Variants in CACHD1 observed in about 807,000 individuals in gnomAD.
CACHD1 encodes VWFA and cache domain-containing protein 1.
Under a neutral mutation model 138.7 loss-of-function variants are expected in CACHD1, and 71 were observed. The ratio of observed to expected loss-of-function variants is 0.51; its 90% CI spans 0.42 to 0.62. The LOEUF is 0.62. CACHD1 is among the 20% of genes least tolerant of loss of function. CACHD1 has a pLI of 0.00. For missense variants in CACHD1, 1,389 were observed against 1,625.3 expected, an observed-to-expected ratio of 0.85 and a Z score of 2.50; for synonymous variants, 578 against 591.5, an observed-to-expected ratio of 0.98 and a Z score of 0.33.
chr1:64,677,801 T>G (rs1650046036), intron 22 of CACHD1, among the ~76,000 whole-genome samples: 1 of 152,148 alleles, frequency 6.6e-6, no homozygotes, highest in Admixed American at 6.5e-5. Context: ...TTTTTTTTAT[T>G]TTTTTAAATG....
Position 64,654,797 on chromosome 1 carries a change from G to A in CACHD1, c.1776G>A (p.Trp592Ter), listed in dbSNP as rs1649211168. The A allele has an allele frequency of 6.2e-7, 1 of 1,606,774 alleles. No individual in the cohort carries two copies. Among genetic ancestry groups the A allele is most frequent in the African/African-American group, 1.3e-5 (1 of 74,724 alleles). Residue 592 changes from tryptophan (W) to a stop codon, truncating the protein, a stop_gained, in exon 12 of 27, where the codon TGG becomes TGA. Transcript: ENST00000651257. LOFTEE classifies it high-confidence loss of function. Reference protein sequence around the residue: ...GKEAYNVSYAWKMVQDTSFIL... With the variant: ...GKEAYNVSYA The stretch of plus-strand genomic sequence containing the variant: ...AAGCCTACAATGTTAGCTATGCCTG[G>A]AAGATGGTGAGTGAGAGGAAGTTGT...
At chr1:64,477,659 G>C (rs1410454646) in intron 1 of CACHD1, among the ~76,000 whole-genome samples, 1 of 143,818 alleles carries the variant, frequency 7.0e-6, no homozygotes, top group African/African-American at 2.7e-5. Flanking sequence ...ACGGAGTCTC[G>C]CTCTGTCGCC....
intron 4 of CACHD1, among the ~76,000 whole-genome samples, chr1:64,620,838 A>T (rs971504143): frequency 2.0e-5 from 3 of 152,166 alleles, no homozygotes; most frequent in African/African-American, 7.2e-5. Flanking sequence ...CTTTACAAAG[A>T]TTCTGTCTTC....
At chr1:64,664,161 G>A (rs1400540815) in intron 14 of CACHD1, 2 of 451,068 alleles carry the variant, frequency 4.4e-6, no homozygotes, top group Non-Finnish European at 7.8e-6. Flanking sequence ...TGCCCCTGCT[G>A]TCTCTCGAGA....
At chr1:64,573,337 G>A (rs187609939) in intron 2 of CACHD1, among the ~76,000 whole-genome samples, 2 of 152,282 alleles carry the variant, frequency 1.3e-5, no homozygotes, top group East Asian at 1.9e-4. Flanking sequence ...CCATCTGCAA[G>A]CTAGGAAGGA....
Position 64,647,822 on chromosome 1 carries a change from AGCTGGCTTT to A in CACHD1, c.1179_1187del (p.Glu393_Phe396delinsAsp), listed in dbSNP as rs1332096821. 6.2e-7 allele frequency: 1 copy of A among 1,614,166 alleles called. No individual in the cohort carries two copies. The highest frequency in any genetic ancestry group is 8.5e-7 in the Non-Finnish European group (1 of 1,180,016). ...TTAGATGGGGTGACTGGTTTGAAAG[AGCTGGCTTT>A]TCTGAGGGATCTAGCTGAACAGAAT... On this transcript the variant is annotated inframe_deletion, in exon 9 of 27. Coordinates refer to ENST00000651257, the MANE Select transcript of CACHD1 (RefSeq NM_020925.4).
intron 9 of CACHD1, among the ~76,000 whole-genome samples, chr1:64,651,897 T>C (rs1475546797): frequency 6.6e-6 from 1 of 152,194 alleles, no homozygotes; most frequent in African/African-American, 2.4e-5. Flanking sequence ...GGTGAAAAAG[T>C]AGTGGAAAAC....
chr1:64,540,332 C>T (rs867472739), intron 1 of CACHD1, among the ~76,000 whole-genome samples: 5 of 151,706 alleles, frequency 3.3e-5, no homozygotes, highest in Middle Eastern at 6.8e-3. Context: ...GGGGTGGAGG[C>T]GTTTGGTGTT....
At chr1:64,654,917 G>T (rs1459711676) in intron 12 of CACHD1, 114 bp downstream of exon 12, 8 of 715,540 alleles carry the variant, frequency 1.1e-5, no homozygotes, top group Non-Finnish European at 2.0e-5. Context: ...GTCTCGTAAT[G>T]TGACTAATCA....
At chr1:64,636,189 A>G (rs1247455812) in intron 7 of CACHD1, among the ~76,000 whole-genome samples, 1 of 152,184 alleles carries the variant, frequency 6.6e-6, no homozygotes, top group Non-Finnish European at 1.5e-5. Flanking sequence ...AATTTAAAGA[A>G]TACATTTCCA....
chr1:64,645,368 T>G (rs1400769176), intron 8 of CACHD1, among the ~76,000 whole-genome samples: 1 of 152,184 alleles, frequency 6.6e-6, no homozygotes, highest in Non-Finnish European at 1.5e-5. Context: ...CATAAATGAT[T>G]GGGGTGATTC....
At chr1:64,539,258 T>A (rs540606875) in intron 1 of CACHD1, among the ~76,000 whole-genome samples, 4 of 152,348 alleles carry the variant, frequency 2.6e-5, no homozygotes, top group African/African-American at 9.6e-5. Context: ...TTAAAGCACC[T>A]ATTTTATCAT....
intron 1 of CACHD1, among the ~76,000 whole-genome samples, chr1:64,475,194 A>C (rs1440425169): frequency 3.9e-5 from 2 of 50,916 alleles, no homozygotes; most frequent in Admixed American, 2.8e-4. Context: ...TTTTTTTCTT[A>C]AGAGACAGGA....
intron 3 of CACHD1, among the ~76,000 whole-genome samples, chr1:64,588,961 G>A (rs1049774863): frequency 6.6e-6 from 1 of 152,162 alleles, no homozygotes; most frequent in Non-Finnish European, 1.5e-5. Context: ...CTGGCATTAA[G>A]GCATCTGTCT....
chr1:64,562,431 G>A (rs1207010373), intron 2 of CACHD1, among the ~76,000 whole-genome samples: 1 of 135,700 alleles, frequency 7.4e-6, no homozygotes, highest in Non-Finnish European at 1.5e-5. Context: ...TTTTTTTTGA[G>A]ACAGAGTCTT....
chr1:64,663,269 G>A (rs769839067), intron 13 of CACHD1, among the ~76,000 whole-genome samples: 8 of 145,920 alleles, frequency 5.5e-5, no homozygotes, highest in African/African-American at 1.3e-4. Context: ...ATATTAAGCC[G>A]CCGCCGGGCG....
At chr1:64,568,649 T>A (rs1293747552) in intron 2 of CACHD1, among the ~76,000 whole-genome samples, 1 of 152,176 alleles carries the variant, frequency 6.6e-6, no homozygotes, top group South Asian at 2.1e-4. Flanking sequence ...TATATGTGAA[T>A]GCATGCATGA....
intron 4 of CACHD1, among the ~76,000 whole-genome samples, chr1:64,603,531 A>G (rs1250385007): frequency 3.9e-5 from 6 of 152,206 alleles, no homozygotes. Context: ...TTAGAGACCC[A>G]GTTATCTTTG....
rs1318889334 is a variant in CACHD1, at chr1:64,663,832, C to G, written c.2089C>G (p.Leu697Val). The G allele has an allele frequency of 6.2e-7, 1 of 1,614,122 alleles. No homozygotes were observed. Among genetic ancestry groups the G allele is most frequent in the African/African-American group, 1.3e-5 (1 of 75,042 alleles). Residue 697 changes from leucine (L) to valine (V), a missense_variant, in exon 14 of 27, where the codon CTC (leucine) becomes GTC (valine). Around this residue, in one of 5 missense-constraint regions of CACHD1, gnomAD observed 1,000 missense variants for 1,114.7 expected, o/e 0.90. Transcript: ENST00000651257. ...DNTRLIANPG[L>V]KFSVRNEVMA... ...CACCCGCCTCATTGCTAACCCGGGC[C>G]TCAAAGTAAGCATTGGCGCAGAGCT...
Sources: gnomAD v4.1 joint callset for allele counts (sites outside exome capture counted in the v4.1 genomes callset) on GRCh38, gnomAD v4.1.1 for gene constraint, gnomAD v4.1.1 regional missense constraint, MANE v1.5 for transcripts, NCBI Gene and HGNC (gene_info 2026-07-23, HGNC 2026-07-21) for gene names.